The following CSMD1 variants were observed in gnomAD, a reference collection of about 807,000 sequenced individuals.
CSMD1 encodes the protein CUB and Sushi multiple domains 1.
A neutral mutation model predicts 417.5 loss-of-function variants in CSMD1; 213 were observed. The observed-to-expected ratio is 0.51, with a 90% CI of 0.46 to 0.57. CSMD1 has a LOEUF of 0.57. Ranked by LOEUF, CSMD1 falls within the 20% of genes least tolerant of loss-of-function variation. The probability of loss-of-function intolerance (pLI) is 0.00; values close to 1 mark genes in which losing one functional copy is unlikely to be tolerated. For missense variants in CSMD1, 6,923 were observed against 4,529.7 expected (o/e 1.53, Z -15.17); for synonymous variants, 2,862 against 1,736.8 (o/e 1.65, Z -16.11).
chr8:3,804,600 T>C (rs971324484), intron 5 of CSMD1, among the ~76,000 whole-genome samples: 4 of 152,186 alleles, frequency 2.6e-5, no homozygotes, highest in Admixed American at 6.5e-5. Context: ...TATTTTGTAG[T>C]ATCTTTTTCA....
intron 9 of CSMD1, among the ~76,000 whole-genome samples, chr8:3,576,857 A>G (rs1353765259): frequency 2.0e-5 from 3 of 152,248 alleles, no homozygotes; most frequent in African/African-American, 7.2e-5. Context: ...AAAAAGTGAT[A>G]ATAAACTCTG....
chr8:3,236,010 C>T (rs1369199311), intron 26 of CSMD1, among the ~76,000 whole-genome samples: 6 of 146,716 alleles, frequency 4.1e-5, no homozygotes, highest in African/African-American at 1.3e-4. Context: ...CTCCGCCTTC[C>T]GGGTTCACGC....
At chr8:3,705,645 G>C (rs1205177880) in intron 7 of CSMD1, among the ~76,000 whole-genome samples, 1 of 152,246 alleles carries the variant, frequency 6.6e-6, no homozygotes, top group Non-Finnish European at 1.5e-5. Flanking sequence ...AGTGCCTGCA[G>C]ACCCTGAGCT....
intron 18 of CSMD1, among the ~76,000 whole-genome samples, chr8:3,384,077 T>C (rs935462266): frequency 9.2e-5 from 14 of 152,038 alleles, no homozygotes; most frequent in African/African-American, 2.7e-4. Context: ...GAAAGCGAAG[T>C]GTGGAGTCCT....
intron 3 of CSMD1, among the ~76,000 whole-genome samples, chr8:4,274,291 G>T: frequency 6.6e-6 from 1 of 152,056 alleles, no homozygotes; most frequent in East Asian, 1.9e-4. Context: ...GGCTTATAAC[G>T]TGAAGTATCA....
At chr8:4,022,576 C>T (rs188481707) in intron 4 of CSMD1, among the ~76,000 whole-genome samples, 2 of 152,066 alleles carry the variant, frequency 1.3e-5, no homozygotes, top group African/African-American at 2.4e-5. Context: ...ATTGAGGGCA[C>T]GAGTAAAGAG....
intron 25 of CSMD1, among the ~76,000 whole-genome samples, chr8:3,306,825 GCTTACTTTAAAAATATTACAGAGCTTA>G (rs1452829776): frequency 3.6e-5 from 1 of 27,598 alleles, no homozygotes; most frequent in African/African-American, 1.4e-4. Flanking sequence ...ATCACCAAGA[GCTTACTTTAAAAATATTACAGAGCTTA>G]CTTTAAAAAT....
chr8:3,517,910 G>C (rs1376051536), intron 10 of CSMD1, among the ~76,000 whole-genome samples: 2 of 152,012 alleles, frequency 1.3e-5, no homozygotes, highest in Non-Finnish European at 2.9e-5. Flanking sequence ...GAAGAGTTCG[G>C]GGCCTCCTTC....
chr8:3,546,475 G>T (rs1468859547), intron 10 of CSMD1, among the ~76,000 whole-genome samples: 1 of 151,768 alleles, frequency 6.6e-6, no homozygotes, highest in Non-Finnish European at 1.5e-5. Context: ...GTCGGAGCTT[G>T]TGGTGAGTCA....
At chr8:3,637,935 A>T (rs1563221618) in intron 7 of CSMD1, among the ~76,000 whole-genome samples, 1 of 152,216 alleles carries the variant, frequency 6.6e-6, no homozygotes, top group Non-Finnish European at 1.5e-5. Context: ...CATGTAAGAC[A>T]TGACTTTGGT....
At chr8:3,824,641 C>A (rs1403494453) in intron 5 of CSMD1, among the ~76,000 whole-genome samples, 2 of 152,126 alleles carry the variant, frequency 1.3e-5, no homozygotes, top group Admixed American at 6.6e-5. Context: ...TGATTACATG[C>A]TGAAATAGCA....
intron 8 of CSMD1, among the ~76,000 whole-genome samples, chr8:3,608,739 G>C (rs1041673438): frequency 4.8e-5 from 7 of 144,428 alleles, no homozygotes; most frequent in African/African-American, 1.6e-4. Context: ...ACTCCAGCCT[G>C]GACAACAGAG....
intron 7 of CSMD1, among the ~76,000 whole-genome samples, chr8:3,620,795 T>C (rs971108045): frequency 2.6e-5 from 4 of 152,074 alleles, no homozygotes; most frequent in African/African-American, 9.7e-5. Context: ...AACAACAAAA[T>C]GGTAAAAGTC....
In CSMD1 at chr8:3,259,438, A is replaced by G. The variant is rs143893561; in HGVS notation, c.4153+24706T>C. On this transcript the variant is annotated intron_variant, in intron 26 of 69. Coordinates refer to ENST00000635120, the MANE Select transcript of CSMD1 (RefSeq NM_033225.6). ...CCTGAATGAATGAGTGAATGAATGAATGAATGAGAACCCAGGATGCATATC... is the reference window on the plus strand; with the variant it reads ...CCTGAATGAATGAGTGAATGAATGAGTGAATGAGAACCCAGGATGCATATC... Among the ~76,000 whole-genome samples, 296 of 152,240 alleles carry G rather than the reference A, an allele frequency of 1.9e-3. 4 individuals are homozygous for G. The highest frequency in any genetic ancestry group is 7.0e-3 in the African/African-American group (289 of 41,566).
chr8:3,065,324 C>G (rs1048274784), intron 49 of CSMD1, among the ~76,000 whole-genome samples: 1 of 151,124 alleles, frequency 6.6e-6, no homozygotes. Flanking sequence ...GATAGACAGA[C>G]AGACAACAGA....
intron 11 of CSMD1, among the ~76,000 whole-genome samples, chr8:3,481,455 A>G (rs978758023): frequency 3.3e-5 from 5 of 152,200 alleles, no homozygotes; most frequent in African/African-American, 1.2e-4. Context: ...TGCAGTTTCC[A>G]TACTTCAGGT....
At chr8:3,686,751 G>C (rs1799963221) in intron 7 of CSMD1, among the ~76,000 whole-genome samples, 1 of 152,168 alleles carries the variant, frequency 6.6e-6, no homozygotes, top group Admixed American at 6.5e-5. Context: ...AATATTCTTT[G>C]TCCAAGCCAG....
At chr8:3,365,149 G>A (rs539052225) in intron 20 of CSMD1, among the ~76,000 whole-genome samples, 11 of 152,290 alleles carry the variant, frequency 7.2e-5, no homozygotes, top group African/African-American at 2.2e-4. Flanking sequence ...AGGGATTTAG[G>A]AATTAGTGTT....
rs148200681 is a variant in CSMD1 at position 3,587,377 on chromosome 8, T to A, written c.1098-1117A>T. Among the ~76,000 whole-genome samples, 194 of 152,306 alleles carry A rather than the reference T, an allele frequency of 1.3e-3. 1 individual carries two copies. The highest frequency in any genetic ancestry group is 4.5e-3 in the African/African-American group (186 of 41,576). On this transcript the variant is annotated intron_variant, in intron 8 of 69. Transcript: ENST00000635120. ...GCATTGTTACAAGAGGAAATTCTACTCATGTTTTTAGTTTGAGAAACCACG... is the reference window on the plus strand; with the variant it reads ...GCATTGTTACAAGAGGAAATTCTACACATGTTTTTAGTTTGAGAAACCACG...
Sources: gnomAD v4.1 joint callset for allele counts (sites outside exome capture counted in the v4.1 genomes callset) on GRCh38, gnomAD v4.1.1 for gene constraint, MANE v1.5 for transcripts, NCBI Gene and HGNC (gene_info 2026-07-23, HGNC 2026-07-21) for gene names.